The following MCTP1 variants were observed in gnomAD, a reference collection of about 807,000 sequenced individuals.
The protein encoded by MCTP1 is multiple C2 and transmembrane domain containing 1.
In MCTP1, 69 loss-of-function variants were observed where a neutral mutation model predicts 120.6. That is an observed-to-expected ratio of 0.57 (90% CI 0.47 to 0.70). MCTP1 has a LOEUF of 0.70. Among genes scored for constraint, MCTP1 ranks in the 30% least tolerant of loss-of-function variants. The pLI is 0.00. For missense variants in MCTP1, 1,203 were observed against 1,248.8 expected, an observed-to-expected ratio of 0.96 and a Z score of 0.55; for synonymous variants, 529 against 493.1, an observed-to-expected ratio of 1.07 and a Z score of -0.96.
At position 95,072,740 on chromosome 5, in the gene MCTP1, A is replaced by ATTTTT. The variant is rs11421165; in HGVS notation, c.721-55261_721-55257dup. 4.6e-3 allele frequency among the ~76,000 whole-genome samples: 441 copies of ATTTTT among 95,220 alleles called. 7 individuals carry two copies. Among genetic ancestry groups the ATTTTT allele is most frequent in the Non-Finnish European group, 6.1e-3 (323 of 52,960 alleles). The allele number at this position is 95,220 out of a possible 152,430, so 62.5% of individuals were successfully genotyped here. ...CAAATTTGGACTCTGCTTAGCAACT[A>ATTTTT]TTTTTTTTTTTTTTTTTTTTTTTGA... is the stretch of plus-strand genomic sequence containing the variant. On this transcript the variant is annotated intron_variant, in intron 1 of 22. Coordinates refer to ENST00000515393, the MANE Select transcript of MCTP1 (RefSeq NM_024717.7).
chr5:95,179,915 G>C (rs1348193663), intron 1 of MCTP1, among the ~76,000 whole-genome samples: 1 of 152,018 alleles, frequency 6.6e-6, no homozygotes, highest in Non-Finnish European at 1.5e-5. Context: ...TAACACATAG[G>C]AACTCACATA....
chr5:94,739,204 C>A (rs190668751), intron 19 of MCTP1: 1 of 152,178 alleles, frequency 6.6e-6, no homozygotes, highest in South Asian at 2.1e-4. Flanking sequence ...AGGTCACTAT[C>A]GATCTTCAAA....
intron 2 of MCTP1, among the ~76,000 whole-genome samples, chr5:95,007,829 C>G (rs1835073456): frequency 6.6e-6 from 1 of 152,304 alleles, no homozygotes; most frequent in African/African-American, 2.4e-5. Flanking sequence ...TCTCACAACA[C>G]TTGCAAACTT....
intron 19 of MCTP1, among the ~76,000 whole-genome samples, chr5:94,754,220 A>G (rs751190243): frequency 6.6e-6 from 1 of 152,194 alleles, no homozygotes; most frequent in Non-Finnish European, 1.5e-5. Context: ...GGTAAATACA[A>G]ATTTAAGTAG....
intron 19 of MCTP1, among the ~76,000 whole-genome samples, chr5:94,747,497 G>A (rs548295982): frequency 5.3e-5 from 8 of 152,118 alleles, no homozygotes; most frequent in East Asian, 3.9e-4. Context: ...CTGTGTTGCC[G>A]CTATTCACCC....
intron 1 of MCTP1, among the ~76,000 whole-genome samples, chr5:95,216,785 A>T (rs1378935838): frequency 6.6e-6 from 1 of 152,168 alleles, no homozygotes; most frequent in Non-Finnish European, 1.5e-5. Flanking sequence ...ACAGATACTT[A>T]TTTTCTCTTC....
At chr5:95,059,561 C>A in intron 1 of MCTP1, among the ~76,000 whole-genome samples, 1 of 151,108 alleles carries the variant, frequency 6.6e-6, no homozygotes, top group African/African-American at 2.4e-5. Flanking sequence ...CTGAATCTAA[C>A]ATGAAAGTTG....
chr5:94,992,794 A>G (rs554664246), intron 2 of MCTP1, among the ~76,000 whole-genome samples: 69 of 151,770 alleles, frequency 4.5e-4, no homozygotes, highest in African/African-American at 1.5e-3. Context: ...TCCCCATCTC[A>G]ACCTTCCTTT....
At chr5:95,235,820 T>C (rs908877960) in intron 1 of MCTP1, among the ~76,000 whole-genome samples, 3 of 152,204 alleles carry the variant, frequency 2.0e-5, no homozygotes, top group Non-Finnish European at 4.4e-5. Flanking sequence ...TCAGTGCAGC[T>C]CATGCCTTGA....
intron 19 of MCTP1, among the ~76,000 whole-genome samples, chr5:94,766,351 G>T (rs1358627965): frequency 6.6e-6 from 1 of 152,168 alleles, no homozygotes; most frequent in Non-Finnish European, 1.5e-5. Flanking sequence ...CCATAAAAAT[G>T]GATGAGTTCA....
intron 1 of MCTP1, among the ~76,000 whole-genome samples, chr5:95,119,582 A>C (rs1192142673): frequency 6.6e-6 from 1 of 152,196 alleles, no homozygotes; most frequent in East Asian, 1.9e-4. Context: ...ATCAAAAAGC[A>C]CAAAGTTGGT....
In MCTP1 at chr5:94,721,805, G is replaced by T. The variant is rs184473025; in HGVS notation, c.2611-6919C>A. 2.8e-5 allele frequency among the ~76,000 whole-genome samples: 4 copies of T among 145,292 alleles called. No homozygotes were observed. In the East Asian group the frequency reaches 8.1e-4, roughly 30 times the overall value. On this transcript the variant is annotated intron_variant, in intron 19 of 22. Coordinates refer to ENST00000515393, the MANE Select transcript of MCTP1 (RefSeq NM_024717.7). ...CAGCTTGGATGAAAGAAATATCATA[G>T]AGTAGTTAATCACCCAGTCTTGGTA...
intron 2 of MCTP1, among the ~76,000 whole-genome samples, chr5:95,012,787 C>T (rs957167794): frequency 2.0e-5 from 3 of 152,102 alleles, no homozygotes; most frequent in African/African-American, 7.2e-5. Context: ...TCTCCTTCTC[C>T]TCAGGCCTCC....
rs1262376340 is a variant in MCTP1, at chr5:94,705,020, AAAT to A, written c.*2473_*2475del. The A allele has an allele frequency of 6.6e-6, 1 of 151,362 alleles. No individual in the cohort carries two copies. The highest frequency in any genetic ancestry group is 1.5e-5 in the Non-Finnish European group (1 of 67,574). 9.4% of individuals were successfully genotyped at this position (151,362 alleles called of 1,614,324 possible). Reference sequence around the variant, plus strand: ...AATGTCAGTAATAGTTTATGAATATAAATAATGACTCAGTGAATTTACTCACTA... The same window carrying A: ...AATGTCAGTAATAGTTTATGAATATAAATGACTCAGTGAATTTACTCACTA... On this transcript the variant is annotated 3_prime_UTR_variant, in exon 23 of 23. Transcript: ENST00000515393.
chr5:94,716,765 TTTAGTTGAATA>T (rs1029991257), intron 19 of MCTP1, among the ~76,000 whole-genome samples: 23 of 152,218 alleles, frequency 1.5e-4, no homozygotes, highest in African/African-American at 5.5e-4. Context: ...TTTTTTTTTT[TTTAGTTGAATA>T]TATAGGCTTA....
intron 19 of MCTP1, among the ~76,000 whole-genome samples, chr5:94,768,463 C>T (rs566049161): frequency 3.3e-5 from 5 of 151,618 alleles, no homozygotes; most frequent in African/African-American, 1.2e-4. Context: ...AACGAAGAAA[C>T]AGCTCTCTTT....
At chr5:95,077,771 C>T (rs959822899) in intron 1 of MCTP1, among the ~76,000 whole-genome samples, 1 of 152,102 alleles carries the variant, frequency 6.6e-6, no homozygotes, top group African/African-American at 2.4e-5. Context: ...TGCGCCTGGC[C>T]AGTTCGTTAT....
Position 95,064,771 on chromosome 5 carries a change from T to G in MCTP1, c.721-47287A>C, listed in dbSNP as rs115707126. On this transcript the variant is annotated intron_variant, in intron 1 of 22. Coordinates refer to ENST00000515393, the MANE Select transcript of MCTP1 (RefSeq NM_024717.7). ...TTCCCTTTGATGTAGAATTGACCAT[T>G]AACCAAACCAACAGACCACTTGGAA... Among the ~76,000 whole-genome samples the G allele has an allele frequency of 4.8e-3, 737 of 152,304 alleles. 6 individuals are homozygous for G. The highest frequency in any genetic ancestry group is 0.02 in the Middle Eastern group (6 of 294).
At chr5:94,779,238 G>T (rs889828540) in intron 18 of MCTP1, 75 bp from the exon 19 acceptor site, 7 of 1,237,702 alleles carry the variant, frequency 5.7e-6, no homozygotes, top group Non-Finnish European at 8.4e-6. Flanking sequence ...GAACCTTTTG[G>T]AAATGAAAAC....
Sources: gnomAD v4.1 joint callset for allele counts (sites outside exome capture counted in the v4.1 genomes callset) on GRCh38, gnomAD v4.1.1 for gene constraint, MANE v1.5 for transcripts, NCBI Gene and HGNC (gene_info 2026-07-23, HGNC 2026-07-21) for gene names.